The following LTBP1 variants were observed in gnomAD, a reference collection of about 807,000 sequenced individuals.
LTBP1 encodes latent-transforming growth factor beta-binding protein 1.
In LTBP1, 129 loss-of-function variants were observed where a neutral mutation model predicts 207.6. The observed-to-expected ratio is 0.62, with a 90% CI of 0.54 to 0.72. The LOEUF (loss-of-function observed/expected upper bound fraction) is 0.72, where lower values mean the gene tolerates loss of function less well. Ranked by LOEUF, LTBP1 falls within the 30% of genes least tolerant of loss-of-function variation. The pLI is 0.00. For synonymous variants in LTBP1, 963 were observed against 833.7 expected (o/e 1.16, Z -2.67); for missense variants, 2,281 against 2,217.2 (o/e 1.03, Z -0.58).
At chr2:33,353,369 G>A (rs138153563) in intron 26 of LTBP1, among the ~76,000 whole-genome samples, 1 of 152,110 alleles carries the variant, frequency 6.6e-6, no homozygotes, top group Non-Finnish European at 1.5e-5. Context: ...AAATCCCCAA[G>A]ATGGAATTAC....
chr2:33,366,313 G>A (rs1574033940), intron 31 of LTBP1, among the ~76,000 whole-genome samples: 1 of 152,158 alleles, frequency 6.6e-6, no homozygotes, highest in African/African-American at 2.4e-5. Flanking sequence ...AGAAAGCAAA[G>A]GAGTTTATTA....
chr2:33,116,427 A>G (rs185298480), intron 4 of LTBP1, among the ~76,000 whole-genome samples: 1 of 152,358 alleles, frequency 6.6e-6, no homozygotes, highest in African/African-American at 2.4e-5. Flanking sequence ...TTTATACAGT[A>G]ACTTCTTAAA....
At position 33,193,233 on chromosome 2, in the gene LTBP1, C is replaced by T. The variant is rs984331886; in HGVS notation, c.1701+4382C>T. Among the ~76,000 whole-genome samples the T allele has an allele frequency of 2.6e-5, 4 of 152,094 alleles. No individual in the cohort carries two copies. The East Asian group carries it at 7.7e-4, about 29-fold the overall frequency. ...GAGGTGACACTGCAACCTCTGCCTC[C>T]CTGGTTCAAGGGATTCTCCTGCCTC... On this transcript the variant is annotated intron_variant, in intron 7 of 33. Transcript: ENST00000404816.
intron 2 of LTBP1, among the ~76,000 whole-genome samples, chr2:32,963,666 A>G (rs1369952678): frequency 6.6e-6 from 1 of 152,054 alleles, no homozygotes; most frequent in Non-Finnish European, 1.5e-5. Flanking sequence ...CCTAAACCAC[A>G]CTTCTTCATA....
chr2:33,309,909 G>A (rs973427170), intron 23 of LTBP1, among the ~76,000 whole-genome samples: 14 of 148,030 alleles, frequency 9.5e-5, no homozygotes, highest in Admixed American at 2.7e-4. Flanking sequence ...GTATTTATCT[G>A]TCCTTTTCTG....
rs537990388 is a variant in LTBP1, at chr2:33,393,408, A to G, written c.4835-3725A>G. On this transcript the variant is annotated intron_variant, in intron 32 of 33. Coordinates refer to ENST00000404816, the MANE Select transcript of LTBP1 (RefSeq NM_206943.4). ...CTGCACCCATTAACTCATCATTTAC[A>G]TTAGGTATATCTCCTAAAGCTATCC... Among the ~76,000 whole-genome samples the G allele has an allele frequency of 4.0e-5, 6 of 151,862 alleles. No individual in the cohort carries two copies. The South Asian group carries it at 1.3e-3, about 32-fold the overall frequency.
chr2:33,330,625 C>G (rs2094481869), intron 24 of LTBP1, among the ~76,000 whole-genome samples: 1 of 151,122 alleles, frequency 6.6e-6, no homozygotes, highest in African/African-American at 2.4e-5. Context: ...TTATTTTCTT[C>G]TTTATTCTGT....
intron 2 of LTBP1, among the ~76,000 whole-genome samples, chr2:33,014,998 T>C (rs1033532216): frequency 6.6e-6 from 1 of 152,028 alleles, no homozygotes; most frequent in African/African-American, 2.4e-5. Flanking sequence ...TGGCCACTTT[T>C]TTTTTTTTTT....
At position 33,178,441 on chromosome 2, in the gene LTBP1, G is replaced by A. The variant is rs138294681; in HGVS notation, c.1202-8415G>A. Among the ~76,000 whole-genome samples the A allele has an allele frequency of 1.4e-4, 22 of 152,272 alleles. No individual in the cohort carries two copies. In the East Asian group the frequency reaches 3.9e-3, roughly 27 times the overall value. Reference sequence around the variant, plus strand: ...ATGATGAATGGCCTCATCTCATCTGGTGTGTGTGATAGCGCTTCGTATCTC... The same window carrying A: ...ATGATGAATGGCCTCATCTCATCTGATGTGTGTGATAGCGCTTCGTATCTC... On this transcript the variant is annotated intron_variant, in intron 5 of 33. Coordinates refer to ENST00000404816, the MANE Select transcript of LTBP1 (RefSeq NM_206943.4).
intron 3 of LTBP1, among the ~76,000 whole-genome samples, chr2:33,051,321 G>C (rs1163355156): frequency 6.6e-6 from 1 of 152,138 alleles, no homozygotes; most frequent in Admixed American, 6.5e-5. Flanking sequence ...GGAGACTGAA[G>C]TGGGGGGATT....
intron 5 of LTBP1, among the ~76,000 whole-genome samples, chr2:33,142,067 T>A (rs1403842633): frequency 1.3e-5 from 2 of 152,238 alleles, no homozygotes; most frequent in Non-Finnish European, 2.9e-5. Context: ...GCATTCTTTT[T>A]TTTAGACGGA....
chr2:33,214,776 C>T (rs1424061948), intron 7 of LTBP1, among the ~76,000 whole-genome samples: 18 of 151,934 alleles, frequency 1.2e-4, no homozygotes, highest in East Asian at 5.8e-4. Context: ...GTTACTGCCC[C>T]GGTTTCAAGA....
chr2:33,205,029 C>T (rs1158342331), intron 7 of LTBP1, among the ~76,000 whole-genome samples: 2 of 152,146 alleles, frequency 1.3e-5, no homozygotes, highest in Admixed American at 6.5e-5. Context: ...CCCTCCAAAC[C>T]TCTATGATGA....
At chr2:33,244,974 G>T (rs1407711040) in intron 10 of LTBP1, among the ~76,000 whole-genome samples, 1 of 152,116 alleles carries the variant, frequency 6.6e-6, no homozygotes, top group Admixed American at 6.6e-5. Context: ...TGCCTCCCGG[G>T]TTCCAATGAT....
At chr2:33,389,420 G>T in intron 32 of LTBP1, 114 bp downstream of exon 32, 5 of 1,419,018 alleles carry the variant, frequency 3.5e-6, no homozygotes, top group Non-Finnish European at 4.8e-6. Flanking sequence ...TCCCACCCCA[G>T]ACCTGCTGGT....
chr2:33,047,055 A>G (rs900011316), intron 3 of LTBP1, among the ~76,000 whole-genome samples: 1 of 152,008 alleles, frequency 6.6e-6, no homozygotes. Context: ...AATCTTTTCC[A>G]AAAACCAGCT....
At chr2:33,214,232 GT>G (rs2090522124) in intron 7 of LTBP1, among the ~76,000 whole-genome samples, 1 of 152,164 alleles carries the variant, frequency 6.6e-6, no homozygotes, top group Non-Finnish European at 1.5e-5. Context: ...GGACCTCTGT[GT>G]TTTTACAGAA....
intron 4 of LTBP1, among the ~76,000 whole-genome samples, chr2:33,128,139 G>A (rs1558672609): frequency 2.6e-5 from 4 of 152,136 alleles, no homozygotes. Flanking sequence ...TAAACAAATA[G>A]CCCAGTAGAT....
chr2:33,281,212 T>G (rs1056221541), intron 19 of LTBP1, among the ~76,000 whole-genome samples: 3 of 152,086 alleles, frequency 2.0e-5, no homozygotes, highest in African/African-American at 7.2e-5. Context: ...CACTCAAACA[T>G]CTCACAGATA....
Sources: gnomAD v4.1 joint callset for allele counts (sites outside exome capture counted in the v4.1 genomes callset) on GRCh38, gnomAD v4.1.1 for gene constraint, MANE v1.5 for transcripts, NCBI Gene and HGNC (gene_info 2026-07-23, HGNC 2026-07-21) for gene names.